Variants in GABRA1 observed in about 807,000 individuals in gnomAD.
GABRA1 encodes gamma-aminobutyric acid receptor subunit alpha-1.
A neutral mutation model predicts 48.9 loss-of-function variants in GABRA1; 9 were observed. The observed-to-expected ratio is 0.18, with a 90% CI of 0.11 to 0.32. The LOEUF (loss-of-function observed/expected upper bound fraction) is 0.32, where lower values mean the gene tolerates loss of function less well. Among genes scored for constraint, GABRA1 ranks in the 10% least tolerant of loss-of-function variants. GABRA1 has a pLI of 1.00. For missense variants in GABRA1, 285 were observed against 553.8 expected (o/e 0.51, Z 4.87); for synonymous variants, 210 against 198.7 (o/e 1.06, Z -0.48).
intron 6 of GABRA1, 160 bp from the exon 7 acceptor site, chr5:161,882,398 C>G: frequency 1.5e-6 from 1 of 661,164 alleles, no homozygotes; most frequent in Non-Finnish European, 2.6e-6. Context: ...AATCAGAAAA[C>G]GTGTTTTAGT....
intron 3 of GABRA1, among the ~76,000 whole-genome samples, chr5:161,863,111 G>A (rs911568680): frequency 2.0e-5 from 3 of 151,778 alleles, no homozygotes; most frequent in African/African-American, 7.3e-5. Context: ...AGGAAAAACA[G>A]ATACCTGTTG....
At chr5:161,849,641 A>G (rs1757359709) in intron 1 of GABRA1, among the ~76,000 whole-genome samples, 1 of 152,214 alleles carries the variant, frequency 6.6e-6, no homozygotes, top group East Asian at 1.9e-4. Flanking sequence ...ATTAAACTAT[A>G]GAGGGTTTAA....
rs115826883 is a variant in GABRA1 at position 161,885,065 on chromosome 5, G to C, written c.703+2364G>C. On this transcript the variant is annotated intron_variant, in intron 7 of 9. Coordinates refer to ENST00000393943, the MANE Select transcript of GABRA1 (RefSeq NM_001127644.2). ...CACTAGAAGTCATCATTCTGTGCTA[G>C]AGCAGCAAGTTCACCTACATAAAAT... 4.8e-3 allele frequency among the ~76,000 whole-genome samples: 728 copies of C among 152,282 alleles called. 8 individuals are homozygous for C. The highest frequency in any genetic ancestry group is 0.016 in the African/African-American group (672 of 41,566).
intron 3 of GABRA1, 45 bp downstream of exon 3, chr5:161,854,315 T>A (rs1757561232): frequency 1.0e-6 from 1 of 962,526 alleles, no homozygotes; most frequent in Non-Finnish European, 1.7e-6. Flanking sequence ...TAATATGAGA[T>A]CTTTACTATC....
intron 2 of GABRA1, among the ~76,000 whole-genome samples, chr5:161,852,613 G>A (rs958555322): frequency 2.0e-5 from 3 of 151,780 alleles, no homozygotes; most frequent in African/African-American, 7.3e-5. Context: ...AGACATACTG[G>A]AAGACACTTA....
intron 7 of GABRA1, among the ~76,000 whole-genome samples, chr5:161,885,808 A>G (rs1331598666): frequency 1.3e-5 from 2 of 152,180 alleles, no homozygotes; most frequent in Non-Finnish European, 2.9e-5. Context: ...GGCAAACGGG[A>G]AAGATGATCC....
intron 3 of GABRA1, among the ~76,000 whole-genome samples, chr5:161,864,089 G>T (rs1217468190): frequency 6.6e-6 from 1 of 151,668 alleles, no homozygotes; most frequent in Non-Finnish European, 1.5e-5. Context: ...TATAAGGAGG[G>T]GTTTATTTTC....
chr5:161,875,762 A>G lies in GABRA1; in HGVS notation c.559+120A>G. ...AAGAAAATTTAAACAGCAATATACC[A>G]CATGGACTTTCCATAAGTAGTGCTC... On this transcript the variant is annotated intron_variant, in intron 6 of 9. Coordinates refer to ENST00000393943, the MANE Select transcript of GABRA1 (RefSeq NM_001127644.2). The G allele has an allele frequency of 3.9e-6, 3 of 766,112 alleles. No individual in the cohort carries two copies. The South Asian group carries it at 4.3e-5, about 11-fold the overall frequency. The allele number at this position is 766,112 out of a possible 1,614,324, so 47.5% of individuals were successfully genotyped here.
intron 4 of GABRA1, among the ~76,000 whole-genome samples, chr5:161,871,498 C>T (rs973463071): frequency 6.6e-6 from 1 of 152,148 alleles, no homozygotes; most frequent in Non-Finnish European, 1.5e-5. Flanking sequence ...TAGATCCATC[C>T]ACCCAGTTTT....
chr5:161,855,468 T>G (rs1757611837), intron 3 of GABRA1, among the ~76,000 whole-genome samples: 1 of 151,486 alleles, frequency 6.6e-6, no homozygotes, highest in African/African-American at 2.4e-5. Context: ...TTTCAAACAT[T>G]CATTTTAGGA....
At chr5:161,866,234 C>T (rs912968514) in intron 4 of GABRA1, among the ~76,000 whole-genome samples, 2 of 151,912 alleles carry the variant, frequency 1.3e-5, no homozygotes, top group African/African-American at 4.8e-5. Flanking sequence ...AAAAGTTGGC[C>T]AGAATTAGAC....
intron 3 of GABRA1, among the ~76,000 whole-genome samples, chr5:161,858,599 A>C (rs991813779): frequency 6.6e-6 from 1 of 151,738 alleles, no homozygotes; most frequent in African/African-American, 2.4e-5. Context: ...TCTTCTGTAC[A>C]TATGCTCATT....
At chr5:161,875,221 C>A (rs985560714) in intron 5 of GABRA1, among the ~76,000 whole-genome samples, 1 of 152,120 alleles carries the variant, frequency 6.6e-6, no homozygotes, top group Non-Finnish European at 1.5e-5. Flanking sequence ...GTAGTATTTA[C>A]GCAAGTGTTT....
At chr5:161,886,273 A>T (rs929991021) in intron 7 of GABRA1, among the ~76,000 whole-genome samples, 1 of 152,068 alleles carries the variant, frequency 6.6e-6, no homozygotes, top group African/African-American at 2.4e-5. Flanking sequence ...CCCTGAAGTT[A>T]TACTACAAAG....
intron 4 of GABRA1, among the ~76,000 whole-genome samples, chr5:161,867,879 G>A (rs1307746925): frequency 6.6e-6 from 1 of 151,956 alleles, no homozygotes; most frequent in Non-Finnish European, 1.5e-5. Flanking sequence ...GCACTGCTTT[G>A]TAAACTTATT....
At chr5:161,892,973 C>T (rs949035062) in intron 8 of GABRA1, among the ~76,000 whole-genome samples, 8 of 148,158 alleles carry the variant, frequency 5.4e-5, no homozygotes, top group Admixed American at 2.7e-4. Flanking sequence ...CACTGCACTC[C>T]AGCCTGGAGC....
intron 6 of GABRA1, among the ~76,000 whole-genome samples, chr5:161,877,092 G>A (rs1176110934): frequency 1.3e-5 from 2 of 151,958 alleles, no homozygotes; most frequent in Non-Finnish European, 1.5e-5. Context: ...GTGCCACCAC[G>A]CCTGGCTGAT....
At position 161,897,393 on chromosome 5, in the gene GABRA1, C is replaced by A; in HGVS notation, c.1342C>A (p.Gln448Lys). Reference protein sequence around the residue: ...YWATYLNREPQLKAPTPHQ With the variant: ...YWATYLNREPKLKAPTPHQ ...GGCTACGTATTTAAACAGAGAGCCTCAGCTAAAAGCCCCCACACCACATCA... is the reference window on the plus strand; with the variant it reads ...GGCTACGTATTTAAACAGAGAGCCTAAGCTAAAAGCCCCCACACCACATCA... The change falls in exon 10 of 10, where the codon CAG becomes AAG. Residue 448 changes from glutamine to lysine, a missense_variant. This residue lies in a region of GABRA1 where 16 missense variants were observed against 16.5 expected (regional missense o/e 0.97). Transcript: ENST00000393943. 6.2e-7 allele frequency: 1 copy of A among 1,614,120 alleles called. No individual in the cohort carries two copies. Among genetic ancestry groups the A allele is most frequent in the Non-Finnish European group, 8.5e-7 (1 of 1,179,974 alleles).
Position 161,897,070 on chromosome 5 carries a change from A to C in GABRA1, c.1060-41A>C, listed in dbSNP as rs1268666149. 2.4e-5 allele frequency: 38 copies of C among 1,598,148 alleles called. 1 individual carries two copies. Among genetic ancestry groups the C allele is most frequent in the Non-Finnish European group, 3.2e-5 (37 of 1,165,810 alleles). ...TCAGCAACTTATAATTTTGCTTCTC[A>C]CTGTTTACTAAACAAAATGCATTGC... On this transcript the variant is annotated intron_variant, in intron 9 of 9. Transcript: ENST00000393943.
Sources: gnomAD v4.1 joint callset for allele counts (sites outside exome capture counted in the v4.1 genomes callset) on GRCh38, gnomAD v4.1.1 for gene constraint, gnomAD v4.1.1 regional missense constraint, MANE v1.5 for transcripts, NCBI Gene and HGNC (gene_info 2026-07-23, HGNC 2026-07-21) for gene names.